Variants in F2 observed in about 807,000 individuals in gnomAD.
F2 encodes the protein prothrombin.
In F2, 34 loss-of-function variants were observed where a neutral mutation model predicts 81.9. The observed-to-expected ratio is 0.42, with a 90% CI of 0.32 to 0.55. The LOEUF is 0.55. Among genes scored for constraint, F2 ranks in the 20% least tolerant of loss-of-function variants. The pLI is 0.18. For missense variants in F2, 630 were observed against 833.4 expected (o/e 0.76, Z 3.00); for synonymous variants, 296 against 326.4 (o/e 0.91, Z 1.01).
intron 6 of F2, among the ~76,000 whole-genome samples, chr11:46,724,018 T>TCCC: frequency 6.6e-6 from 1 of 152,006 alleles, no homozygotes; most frequent in African/African-American, 2.4e-5. Context: ...AGCCTCCTCC[T>TCCC]CCCCCTCCCC....
chr11:46,719,497 C>G lies in F2; in HGVS notation c.79+183C>G. 1.1e-6 allele frequency: 1 copy of G among 952,336 alleles called. No individual in the cohort carries two copies. The highest frequency in any genetic ancestry group is 2.0e-5 in the Admixed American group (1 of 49,092). The allele number at this position is 952,336 out of a possible 1,614,324, so 59.0% of individuals were successfully genotyped here. A position where few individuals can be genotyped will look rare whatever the true frequency, so the allele number is the denominator to read the frequency against. ...AAAGAGAATGGCTGCTTCTCTCTTC[C>G]AATATAGGGAGCAGGCTGGGGGCAA... is the stretch of plus-strand genomic sequence containing the variant. On this transcript the variant is annotated intron_variant, in intron 1 of 13. Coordinates refer to ENST00000311907, the MANE Select transcript of F2 (RefSeq NM_000506.5). This position sits in a 1 kb window ranked among gnomAD's most constrained non-coding sequence, Gnocchi z 4.7.
At position 46,729,457 on chromosome 11, in the gene F2, AGGGGCAG is replaced by A; in HGVS notation, c.1551_1557del (p.Lys517AsnfsTer8). 2 of 1,614,130 alleles carry A rather than the reference AGGGGCAG, an allele frequency of 1.2e-6. No individual in the cohort carries two copies. Among genetic ancestry groups the A allele is most frequent in the Non-Finnish European group, 1.7e-6 (2 of 1,180,018 alleles). ...GAGACGTGGACAGCCAACGTTGGTA[AGGGGCAG>A]CCCAGTGTCCTGCAGGTGGTGAACC... On this transcript the variant is annotated frameshift_variant, in exon 12 of 14. Transcript: ENST00000311907. LOFTEE classifies it high-confidence loss of function.
intron 12 of F2, among the ~76,000 whole-genome samples, chr11:46,730,431 G>A (rs758817194): frequency 2.6e-5 from 4 of 152,042 alleles, no homozygotes; most frequent in Admixed American, 2.0e-4. Flanking sequence ...GAGGAGCACC[G>A]CAGGCTGGGG....
At chr11:46,729,272 G>T in intron 11 of F2, 108 bp from the exon 12 acceptor site, 4 of 1,277,388 alleles carry the variant, frequency 3.1e-6, no homozygotes, top group Non-Finnish European at 4.4e-6. Flanking sequence ...GAACGTCTGT[G>T]CCCAGCCAGC....
Position 46,731,911 on chromosome 11 carries a change from TG to T in F2, c.1654+2351del, listed in dbSNP as rs1348126527. ...AGAATCTGGTAAAGAGACACTTTGA[TG>T]TTTTTTTTTTTTTTTTTTTTTTGTG... On this transcript the variant is annotated intron_variant, in intron 12 of 13. Transcript: ENST00000311907. Among the ~76,000 whole-genome samples, 241 of 127,396 alleles carry T rather than the reference TG, an allele frequency of 1.9e-3. 1 individual carries two copies. The highest frequency in any genetic ancestry group is 4.2e-3 in the African/African-American group (145 of 34,164). The allele number at this position is 127,396 out of a possible 152,430, so 83.6% of individuals were successfully genotyped here. A position where few individuals can be genotyped will look rare whatever the true frequency, so the allele number is the denominator to read the frequency against.
At chr11:46,735,640 C>T (rs1384897194) in intron 12 of F2, among the ~76,000 whole-genome samples, 1 of 145,562 alleles carries the variant, frequency 6.9e-6, no homozygotes, top group Non-Finnish European at 1.5e-5. Context: ...AAAAAAAAAT[C>T]GGCTGGGCGC....
intron 11 of F2, 88 bp from the exon 12 acceptor site, chr11:46,729,292 T>TTAGATTCTGG (rs1251317995): frequency 6.9e-6 from 10 of 1,454,506 alleles, no homozygotes; most frequent in African/African-American, 1.4e-5. Context: ...CTCTGGCGTT[T>TTAGATTCTGG]TAGATTCTGG....
chr11:46,736,437 T>C (rs1419443362), intron 12 of F2, among the ~76,000 whole-genome samples: 1 of 152,164 alleles, frequency 6.6e-6, no homozygotes, highest in Non-Finnish European at 1.5e-5. Flanking sequence ...TTTTATTTTT[T>C]AGTTTTATTT....
Position 46,733,782 on chromosome 11 carries a change from C to CTTTTTTT in F2, c.1654+4239_1654+4245dup, listed in dbSNP as rs34296052. 4.9e-4 allele frequency among the ~76,000 whole-genome samples: 44 copies of CTTTTTTT among 89,766 alleles called. 1 individual carries two copies. The highest frequency in any genetic ancestry group is 1.9e-3 in the East Asian group (4 of 2,080). The allele number at this position is 89,766 out of a possible 152,430, so 58.9% of individuals were successfully genotyped here. A position where few individuals can be genotyped will look rare whatever the true frequency, so the allele number is the denominator to read the frequency against. Reference sequence around the variant, plus strand: ...AACATCGTATCATATGATTAAGGACCTTTTTTTTTTTTTTTTTTTTTTTTG... The same window carrying CTTTTTTT: ...AACATCGTATCATATGATTAAGGACCTTTTTTTTTTTTTTTTTTTTTTTTTTTTTTTG... On this transcript the variant is annotated intron_variant, in intron 12 of 13. Transcript: ENST00000311907.
rs748598519 is a variant in F2 at position 46,739,420 on chromosome 11, T to C, written c.*12T>C. On this transcript the variant is annotated 3_prime_UTR_variant, in exon 14 of 14. Transcript: ENST00000311907. ...AGTTTGGAGAGTAGGGGGCCACTCATATTCTGGGCTCCTGGAACCAATCCC... is the reference window on the plus strand; with the variant it reads ...AGTTTGGAGAGTAGGGGGCCACTCACATTCTGGGCTCCTGGAACCAATCCC... 4 of 1,614,014 alleles carry C rather than the reference T, an allele frequency of 2.5e-6. No individual in the cohort carries two copies. Among genetic ancestry groups the C allele is most frequent in the South Asian group, 2.2e-5 (2 of 91,076 alleles).
chr11:46,728,142 T>C lies in F2; in HGVS notation c.1277T>C (p.Ile426Thr), dbSNP rs150569436. 25 of 1,609,906 alleles carry C rather than the reference T, an allele frequency of 1.6e-5. No individual in the cohort carries two copies. Among genetic ancestry groups the C allele is most frequent in the African/African-American group, 6.7e-5 (5 of 74,702 alleles). Residue 426 changes from isoleucine (I) to threonine (T), a missense_variant, in exon 10 of 14, where the codon ATT becomes ACT. By Grantham distance (89) the Ile-to-Thr change is moderately conservative (BLOSUM62 -1). Coordinates refer to ENST00000311907, the MANE Select transcript of F2 (RefSeq NM_000506.5). The surrounding 1 kb of genome is among the most constrained non-coding windows in gnomAD (Gnocchi z 5.1). ...NFTENDLLVR[I>T]GKHSRTRYER... ...ACCGAGAATGACCTTCTGGTGCGCATTGGCAAGCACTCCCGCACCAGGTAC... is the reference window on the plus strand; with the variant it reads ...ACCGAGAATGACCTTCTGGTGCGCACTGGCAAGCACTCCCGCACCAGGTAC...
intron 12 of F2, among the ~76,000 whole-genome samples, chr11:46,734,424 T>C (rs908168301): frequency 6.6e-6 from 1 of 152,220 alleles, no homozygotes; most frequent in South Asian, 2.1e-4. Flanking sequence ...TTTAACCTCA[T>C]GTATAATTTT....
rs1296934945 is a variant in F2, at chr11:46,719,726, G to A, written c.104G>A (p.Arg35Gln). The change falls in exon 2 of 14, where the codon CGG becomes CAG. Residue 35 changes from arginine to glutamine, a missense_variant. By Grantham distance (43) the Arg-to-Gln change is conservative (BLOSUM62 1). Coordinates refer to ENST00000311907, the MANE Select transcript of F2 (RefSeq NM_000506.5). The surrounding 1 kb of genome is among the most constrained non-coding windows in gnomAD (Gnocchi z 4.7). Reference protein sequence around the residue: ...QHVFLAPQQARSLLQRVRRAN... With the variant: ...QHVFLAPQQAQSLLQRVRRAN... ...GTGTTCCTGGCTCCTCAGCAAGCACGGTCGCTGCTCCAGCGGGTCCGGCGA... is the reference window on the plus strand; with the variant it reads ...GTGTTCCTGGCTCCTCAGCAAGCACAGTCGCTGCTCCAGCGGGTCCGGCGA... The A allele has an allele frequency of 9.4e-6, 15 of 1,594,362 alleles. No individual in the cohort carries two copies. Among genetic ancestry groups the A allele is most frequent in the African/African-American group, 8.0e-5 (6 of 74,572 alleles).
rs1052978376 is a variant in F2 at position 46,720,284 on chromosome 11, C to G, written c.241-239C>G. 6.4e-5 allele frequency: 38 copies of G among 593,788 alleles called. No individual in the cohort carries two copies. In the Admixed American group the frequency reaches 1.0e-3, roughly 16 times the overall value. The allele number at this position is 593,788 out of a possible 1,614,324, so 36.8% of individuals were successfully genotyped here. On this transcript the variant is annotated intron_variant, in intron 2 of 13. Coordinates refer to ENST00000311907, the MANE Select transcript of F2 (RefSeq NM_000506.5). ...GGCTCTGCCAGGGTCCCACTGCCCCCTCTCCTCCCATCTCCCCCAGCCTCT... is the reference window on the plus strand; with the variant it reads ...GGCTCTGCCAGGGTCCCACTGCCCCGTCTCCTCCCATCTCCCCCAGCCTCT...
chr11:46,731,540 A>AT (rs2064911758), intron 12 of F2, among the ~76,000 whole-genome samples: 1 of 149,792 alleles, frequency 6.7e-6, no homozygotes, highest in Admixed American at 6.7e-5. Flanking sequence ...CCTTATTCAA[A>AT]TTTTTGTTAG....
Position 46,725,878 on chromosome 11 carries a change from A to G in F2, c.579A>G (p.Val193=). Residue 193 remains valine (V), a synonymous_variant, in exon 7 of 14, where the codon GTA becomes GTG. Transcript: ENST00000311907. ...CACCAGGCCAGGATCAAGTCACTGT[A>G]GCGATGACTCCACGCTCCGAAGGCT... is the stretch of plus-strand genomic sequence containing the variant. ...IPVCGQDQVT[V]AMTPRSEGSS... is the part of the protein sequence containing the mutation. The G allele has an allele frequency of 6.2e-7, 1 of 1,613,198 alleles. No homozygotes were observed. The highest frequency in any genetic ancestry group is 8.5e-7 in the Non-Finnish European group (1 of 1,180,014).
At position 46,723,606 on chromosome 11, in the gene F2, G is replaced by T; in HGVS notation, c.559+88G>T. ...CCTGGGATGGGAACCAAGAATACTGGCTACCCAGGCACAGTGGCTCATGCC... is the reference window on the plus strand; with the variant it reads ...CCTGGGATGGGAACCAAGAATACTGTCTACCCAGGCACAGTGGCTCATGCC... On this transcript the variant is annotated intron_variant, in intron 6 of 13. Coordinates refer to ENST00000311907, the MANE Select transcript of F2 (RefSeq NM_000506.5). The surrounding 1 kb of genome is among the most constrained non-coding windows in gnomAD (Gnocchi z 5.6). 6.7e-7 allele frequency: 1 copy of T among 1,491,450 alleles called. No individual in the cohort carries two copies. Among genetic ancestry groups the T allele is most frequent in the Non-Finnish European group, 9.1e-7 (1 of 1,098,686 alleles). The allele number at this position is 1,491,450 out of a possible 1,614,324, so 92.4% of individuals were successfully genotyped here.
intron 12 of F2, among the ~76,000 whole-genome samples, chr11:46,736,777 G>A (rs1486776473): frequency 6.6e-6 from 1 of 152,146 alleles, no homozygotes; most frequent in African/African-American, 2.4e-5. Flanking sequence ...CTTTCCAGTG[G>A]TTTCCTGGCA....
At chr11:46,730,788 A>T (rs1211672238) in intron 12 of F2, among the ~76,000 whole-genome samples, 1 of 150,506 alleles carries the variant, frequency 6.6e-6, no homozygotes, top group Non-Finnish European at 1.5e-5. Flanking sequence ...GGGAATTTTT[A>T]TATATATATA....
Sources: gnomAD v4.1 joint callset for allele counts (sites outside exome capture counted in the v4.1 genomes callset) on GRCh38, gnomAD v4.1.1 for gene constraint, Gnocchi (gnomAD v3.1) non-coding constraint, MANE v1.5 for transcripts, NCBI Gene and HGNC (gene_info 2026-07-23, HGNC 2026-07-21) for gene names.